The following CTNNA3 variants were observed in gnomAD, a reference collection of about 807,000 sequenced individuals.
The protein encoded by CTNNA3 is catenin alpha 3, also known as catenin alpha-3.
Under a neutral mutation model 95.7 loss-of-function variants are expected in CTNNA3, and 76 were observed. The observed-to-expected ratio is 0.79, with a 90% CI of 0.66 to 0.96. The LOEUF (loss-of-function observed/expected upper bound fraction) is 0.96, where lower values mean the gene tolerates loss of function less well. Among genes scored for constraint, CTNNA3 ranks in the 40% least tolerant of loss-of-function variants. CTNNA3 has a pLI of 0.00. For synonymous variants in CTNNA3, 431 were observed against 374.4 expected (o/e 1.15, Z -1.74); for missense variants, 1,191 against 1,089.8 (o/e 1.09, Z -1.31).
At chr10:67,639,113 A>G (rs566531990) in intron 2 of CTNNA3, among the ~76,000 whole-genome samples, 77 of 152,262 alleles carry the variant, frequency 5.1e-4, no homozygotes, top group African/African-American at 1.8e-3. Flanking sequence ...GACTGCTAGC[A>G]AGACTAATAA....
At chr10:66,685,285 G>GTATA (rs1554835151) in intron 9 of CTNNA3, among the ~76,000 whole-genome samples, 8 of 59,568 alleles carry the variant, frequency 1.3e-4, no homozygotes, top group Non-Finnish European at 1.7e-4. Context: ...GTATATATAA[G>GTATA]TATATATATG....
At chr10:67,353,806 G>C (rs1589205374) in intron 5 of CTNNA3, among the ~76,000 whole-genome samples, 1 of 151,922 alleles carries the variant, frequency 6.6e-6, no homozygotes, top group East Asian at 1.9e-4. Context: ...TGAATGTAAA[G>C]ATTTCCACAG....
intron 11 of CTNNA3, among the ~76,000 whole-genome samples, chr10:66,425,199 T>C (rs1272707890): frequency 6.6e-6 from 1 of 151,980 alleles, no homozygotes; most frequent in South Asian, 2.1e-4. Flanking sequence ...GCATAGTATA[T>C]CTATATTTAA....
chr10:66,432,622 C>T (rs1165327547), intron 11 of CTNNA3, among the ~76,000 whole-genome samples: 1 of 149,554 alleles, frequency 6.7e-6, no homozygotes, highest in African/African-American at 2.5e-5. Context: ...GATTGCGCCA[C>T]TGCACTCCAG....
intron 7 of CTNNA3, among the ~76,000 whole-genome samples, chr10:67,060,867 T>C (rs1276528751): frequency 6.6e-6 from 1 of 152,222 alleles, no homozygotes; most frequent in Admixed American, 6.5e-5. Context: ...TTTTAAGCTA[T>C]GACTTTAACT....
Position 66,030,969 on chromosome 10 carries a change from G to T in CTNNA3, c.2159+38339C>A, listed in dbSNP as rs187092541. On this transcript the variant is annotated intron_variant, in intron 15 of 17. Transcript: ENST00000433211. ...ATGCTCAACATCACTAATCGTCAGA[G>T]AAATGCAAATTAAAACCACAATAAA... 2.3e-3 allele frequency among the ~76,000 whole-genome samples: 345 copies of T among 152,052 alleles called. 1 individual carries two copies. Among genetic ancestry groups the T allele is most frequent in the African/African-American group, 7.6e-3 (317 of 41,514 alleles).
chr10:66,254,690 G>A (rs2090692247), intron 13 of CTNNA3, among the ~76,000 whole-genome samples: 1 of 152,120 alleles, frequency 6.6e-6, no homozygotes, highest in Non-Finnish European at 1.5e-5. Flanking sequence ...CTCATCCTGG[G>A]ACTTTACTGG....
At chr10:66,155,907 G>T (rs937266543) in intron 13 of CTNNA3, among the ~76,000 whole-genome samples, 1 of 150,370 alleles carries the variant, frequency 6.7e-6, no homozygotes, top group African/African-American at 2.4e-5. Flanking sequence ...AATAAAGAAA[G>T]AACTCAAAAA....
At chr10:67,632,936 T>C (rs1839192686) in intron 2 of CTNNA3, among the ~76,000 whole-genome samples, 2 of 152,152 alleles carry the variant, frequency 1.3e-5, no homozygotes, top group African/African-American at 2.4e-5. Context: ...GACCCACTGA[T>C]TGGAATTCCA....
At position 66,766,297 on chromosome 10, in the gene CTNNA3, C is replaced by T. The variant is rs1046657762; in HGVS notation, c.1248G>A (p.Ala416=). Residue 416 remains alanine (A), a synonymous_variant, in exon 9 of 18, where the codon GCG becomes GCA. Coordinates refer to ENST00000433211, the MANE Select transcript of CTNNA3 (RefSeq NM_013266.4). The part of the protein sequence containing the change: ...GREKEIKEYA[A]IFHEHTSRLV... Reference sequence around the variant, plus strand: ...GCCTGCTGGTGTGTTCATGAAATATCGCAGCATATTCTTTTATTTCCTTTT... The same window carrying T: ...GCCTGCTGGTGTGTTCATGAAATATTGCAGCATATTCTTTTATTTCCTTTT... 13 of 1,613,832 alleles carry T rather than the reference C, an allele frequency of 8.1e-6. No homozygotes were observed. The highest frequency in any genetic ancestry group is 1.1e-5 in the South Asian group (1 of 91,070).
At chr10:66,140,131 C>G (rs947506115) in intron 13 of CTNNA3, among the ~76,000 whole-genome samples, 2 of 152,192 alleles carry the variant, frequency 1.3e-5, no homozygotes, top group African/African-American at 4.8e-5. Context: ...TTCTAACTAA[C>G]TAATCGCCAC....
At chr10:67,004,328 C>T (rs1195791939) in intron 7 of CTNNA3, among the ~76,000 whole-genome samples, 1 of 152,156 alleles carries the variant, frequency 6.6e-6, no homozygotes, top group Non-Finnish European at 1.5e-5. Flanking sequence ...CACAAGCCAC[C>T]TATCAATATT....
chr10:66,057,632 T>C (rs7081372), intron 15 of CTNNA3, among the ~76,000 whole-genome samples: 80,460 of 151,852 alleles, frequency 0.53, 21,720 homozygotes, highest in South Asian at 0.59. Flanking sequence ...GTAAAATAAA[T>C]GGATTATTTA....
At chr10:67,528,671 T>C (rs1840223279) in intron 4 of CTNNA3, among the ~76,000 whole-genome samples, 1 of 152,240 alleles carries the variant, frequency 6.6e-6, no homozygotes, top group South Asian at 2.1e-4. Context: ...ATTGTTAATT[T>C]ACTTTTTATC....
At chr10:67,229,027 A>G (rs550780898) in intron 5 of CTNNA3, among the ~76,000 whole-genome samples, 64 of 152,290 alleles carry the variant, frequency 4.2e-4, no homozygotes, top group African/African-American at 1.5e-3. Context: ...AAAGAAAATT[A>G]TGGACCGAGA....
intron 12 of CTNNA3, among the ~76,000 whole-genome samples, chr10:66,343,395 T>G (rs1237516333): frequency 2.0e-5 from 3 of 151,828 alleles, no homozygotes; most frequent in African/African-American, 7.3e-5. Flanking sequence ...TATTTAGCCA[T>G]AAAAAGAATG....
chr10:66,839,170 G>A (rs12765156), intron 7 of CTNNA3, among the ~76,000 whole-genome samples: 13,203 of 152,176 alleles, frequency 0.087, 635 homozygotes, highest in African/African-American at 0.11. Context: ...TTAAATGAGT[G>A]GCTGAACCTT....
chr10:66,521,341 C>G (rs1841061867), intron 10 of CTNNA3, among the ~76,000 whole-genome samples: 1 of 151,978 alleles, frequency 6.6e-6, no homozygotes, highest in African/African-American at 2.4e-5. Flanking sequence ...TTAATCAATC[C>G]TTAACTGATG....
At chr10:67,642,226 A>T (rs1373361469) in intron 2 of CTNNA3, among the ~76,000 whole-genome samples, 1 of 152,148 alleles carries the variant, frequency 6.6e-6, no homozygotes, top group Non-Finnish European at 1.5e-5. Context: ...CAGCAAAAGA[A>T]ATTATCATCA....
Sources: gnomAD v4.1 joint callset for allele counts (sites outside exome capture counted in the v4.1 genomes callset) on GRCh38, gnomAD v4.1.1 for gene constraint, MANE v1.5 for transcripts, NCBI Gene and HGNC (gene_info 2026-07-23, HGNC 2026-07-21) for gene names.